SASH1: variants seen among roughly 807,000 people sequenced by gnomAD.
The protein encoded by SASH1 is SAM and SH3 domain-containing protein 1.
A neutral mutation model predicts 125.2 loss-of-function variants in SASH1; 44 were observed. The observed-to-expected ratio is 0.35, with a 90% CI of 0.28 to 0.45. The LOEUF (loss-of-function observed/expected upper bound fraction) is 0.45, where lower values mean the gene tolerates loss of function less well. SASH1 is among the 20% of genes least tolerant of loss of function. SASH1 has a pLI of 1.00. For missense variants in SASH1, 1,426 were observed against 1,614.5 expected, an observed-to-expected ratio of 0.88 and a Z score of 2.00; for synonymous variants, 639 against 649.1, an observed-to-expected ratio of 0.98 and a Z score of 0.24.
At position 148,376,566 on chromosome 6, in the gene SASH1, C is replaced by T. The variant is rs191445328; in HGVS notation, c.157-13568C>T. Among the ~76,000 whole-genome samples the T allele has an allele frequency of 9.9e-5, 15 of 152,234 alleles. No individual in the cohort carries two copies. The East Asian group carries it at 2.9e-3, about 29-fold the overall frequency. The stretch of plus-strand genomic sequence containing the variant: ...CATTGCTCTTGTATTTGTTTTCTTA[C>T]AACACCCGAACCAGGCCATATATGG... On this transcript the variant is annotated intron_variant, in intron 1 of 19. Coordinates refer to ENST00000367467, the MANE Select transcript of SASH1 (RefSeq NM_015278.5).
chr6:148,254,143 G>A, the SASH1 span, among the ~76,000 whole-genome samples: 3 of 151,590 alleles, frequency 2.0e-5, no homozygotes, highest in South Asian at 6.3e-4. Context: ...GGAAGTGGAG[G>A]TTGCAGTGAG....
At chr6:148,496,287 T>A (rs1161318866) in intron 8 of SASH1, among the ~76,000 whole-genome samples, 1 of 152,234 alleles carries the variant, frequency 6.6e-6, no homozygotes, top group East Asian at 1.9e-4. Flanking sequence ...GGGTTTAAAT[T>A]TAAAAGGGTT....
intron 2 of SASH1, among the ~76,000 whole-genome samples, chr6:148,391,602 G>A (rs2114833767): frequency 6.6e-6 from 1 of 152,150 alleles, no homozygotes; most frequent in Middle Eastern, 3.4e-3. Context: ...AATAAATTTG[G>A]CTGTTTGTGA....
At chr6:148,266,510 C>T in the SASH1 span, among the ~76,000 whole-genome samples, 4 of 152,272 alleles carry the variant, frequency 2.6e-5, no homozygotes, top group East Asian at 7.7e-4. Context: ...GCTCTTAGCA[C>T]AATGTATACA....
At chr6:148,393,444 T>C (rs935701727) in intron 2 of SASH1, among the ~76,000 whole-genome samples, 3 of 152,002 alleles carry the variant, frequency 2.0e-5, no homozygotes, top group Admixed American at 6.6e-5. Context: ...GAGGAAATGA[T>C]TGCTGTGAAC....
intron 1 of SASH1, among the ~76,000 whole-genome samples, chr6:148,346,293 G>A (rs1030929777): frequency 1.3e-5 from 2 of 152,106 alleles, no homozygotes; most frequent in Non-Finnish European, 1.5e-5. Context: ...GACACATTTT[G>A]CATTTAGATT....
In SASH1 at chr6:148,527,494, ACCTACTG is replaced by A. The variant is rs1781248386; in HGVS notation, c.1330_1336del (p.Thr444LeufsTer9). ...TTGTGTACAAAGAAGTCATCAAATC[ACCTACTG>A]CCTCTCGCATCTCTCTTGGGAAAAA... On this transcript the variant is annotated frameshift_variant, in exon 12 of 20. Transcript: ENST00000367467. LOFTEE classifies it high-confidence loss of function. The A allele has an allele frequency of 6.2e-7, 1 of 1,608,982 alleles. No homozygotes were observed. The highest frequency in any genetic ancestry group is 1.3e-5 in the African/African-American group (1 of 74,666).
chr6:148,298,647 A>AAGGAAGGG (rs1779827633), intron 1 of SASH1, among the ~76,000 whole-genome samples: 22 of 92,540 alleles, frequency 2.4e-4, no homozygotes, highest in African/African-American at 9.5e-4. Flanking sequence ...AGAAGGAAGG[A>AAGGAAGGG]AGGGAGGGAG....
At chr6:148,367,416 T>C (rs1265126073) in intron 1 of SASH1, among the ~76,000 whole-genome samples, 1 of 152,222 alleles carries the variant, frequency 6.6e-6, no homozygotes, top group Non-Finnish European at 1.5e-5. Flanking sequence ...GGTTTTTAGT[T>C]GCATGGCTGC....
At chr6:148,461,097 T>A (rs1420150007) in intron 4 of SASH1, among the ~76,000 whole-genome samples, 1 of 152,252 alleles carries the variant, frequency 6.6e-6, no homozygotes, top group Non-Finnish European at 1.5e-5. Flanking sequence ...TAACATTCAC[T>A]GTCTCATGTG....
At chr6:148,369,336 CTG>C (rs1478100327) in intron 1 of SASH1, among the ~76,000 whole-genome samples, 4 of 152,302 alleles carry the variant, frequency 2.6e-5, no homozygotes, top group Non-Finnish European at 4.4e-5. Context: ...CATGTTGAAA[CTG>C]TTTCTACTCA....
At chr6:148,447,015 A>C (rs151269137) in intron 4 of SASH1, among the ~76,000 whole-genome samples, 43 of 152,350 alleles carry the variant, frequency 2.8e-4, no homozygotes, top group African/African-American at 9.9e-4. Context: ...TAAAACCTAC[A>C]CTTCAGGGCT....
chr6:148,430,100 G>A (rs1776003623), intron 2 of SASH1, among the ~76,000 whole-genome samples: 1 of 152,198 alleles, frequency 6.6e-6, no homozygotes, highest in Non-Finnish European at 1.5e-5. Context: ...AAATAGGAGA[G>A]CGTATTGGGA....
intron 1 of SASH1, among the ~76,000 whole-genome samples, chr6:148,316,879 A>C (rs1295890680): frequency 6.6e-6 from 1 of 152,228 alleles, no homozygotes. Context: ...AATGTGCATG[A>C]AAGATCAAAA....
chr6:148,273,296 C>CTTTTTT (rs758727802), intron 1 of SASH1, among the ~76,000 whole-genome samples: 7 of 134,664 alleles, frequency 5.2e-5, no homozygotes, highest in Non-Finnish European at 1.1e-4. Flanking sequence ...TTCTTTCTTT[C>CTTTTTT]TTTTTTTTTT....
chr6:148,507,015 C>A (rs1779837165), intron 8 of SASH1, among the ~76,000 whole-genome samples: 1 of 152,130 alleles, frequency 6.6e-6, no homozygotes. Context: ...ATCGCAAAAG[C>A]ACCTGGTCCG....
chr6:148,447,801 T>A (rs1271167295), intron 4 of SASH1, among the ~76,000 whole-genome samples: 3 of 152,026 alleles, frequency 2.0e-5, no homozygotes, highest in Admixed American at 6.6e-5. Context: ...CCTGGCCACC[T>A]TAGCCCTTGC....
At chr6:148,360,206 G>A (rs1433867223) in intron 1 of SASH1, among the ~76,000 whole-genome samples, 4 of 151,816 alleles carry the variant, frequency 2.6e-5, no homozygotes, top group South Asian at 2.1e-4. Flanking sequence ...AACAAGGGAC[G>A]TCCTTCATTT....
intron 1 of SASH1, among the ~76,000 whole-genome samples, chr6:148,281,065 C>G (rs564879499): frequency 2.6e-5 from 4 of 151,164 alleles, no homozygotes; most frequent in Admixed American, 1.3e-4. Flanking sequence ...GCCTCAGCCT[C>G]CCAAGTAGCT....
Sources: allele counts gnomAD v4.1 joint callset (sites outside exome capture counted in the v4.1 genomes callset), GRCh38; gene constraint gnomAD v4.1.1; transcripts MANE v1.5; gene names NCBI Gene and HGNC (gene_info 2026-07-23, HGNC 2026-07-21).